The following LPCAT1 variants were observed in gnomAD, a reference collection of about 807,000 sequenced individuals.
The protein encoded by LPCAT1 is 1-acylglycerol-3-phosphate O-acyltransferase.
LPCAT1 carries 23 observed loss-of-function variants against 60.9 expected under a neutral mutation model. The ratio of observed to expected loss-of-function variants is 0.38; its 90% CI spans 0.27 to 0.53. LPCAT1 has a LOEUF of 0.53. Among genes scored for constraint, LPCAT1 ranks in the 20% least tolerant of loss-of-function variants. The probability of loss-of-function intolerance (pLI) is 0.82; values close to 1 mark genes in which losing one functional copy is unlikely to be tolerated. For synonymous variants in LPCAT1, 340 were observed against 301.1 expected (o/e 1.13, Z -1.34); for missense variants, 622 against 723.6 (o/e 0.86, Z 1.61).
At position 1,463,657 on chromosome 5, in the gene LPCAT1, C is replaced by G; in HGVS notation, c.1599G>C (p.Leu533=). 2 of 1,614,132 alleles carry G rather than the reference C, an allele frequency of 1.2e-6. No individual in the cohort carries two copies. The highest frequency in any genetic ancestry group is 1.7e-6 in the Non-Finnish European group (2 of 1,180,028). The change falls in exon 14 of 14, where the codon CTG becomes CTC. Residue 533 remains leucine, a synonymous_variant. Transcript: ENST00000283415. The part of the protein sequence containing the change: ...DAGRKPVRKK[L]D ...CTCTCCGCAACCCTGGGTCCTAATC[C>G]AGCTTCTTGCGAACAGGCTTCCGCC...
rs1560975380 is a variant in LPCAT1, at chr5:1,492,045, AGGGAGATGTCTCTGAGCTGGGACCAT to A, written c.494-2213_494-2188del. Among the ~76,000 whole-genome samples the A allele has an allele frequency of 2.8e-5, 4 of 141,838 alleles. No homozygotes were observed. The South Asian group carries it at 7.1e-4, about 25-fold the overall frequency. 93.1% of individuals were successfully genotyped at this position (141,838 alleles called of 152,430 possible). The stretch of plus-strand genomic sequence containing the variant: ...GGGAGATGTCTCTGAGCTGGAAACC[AGGGAGATGTCTCTGAGCTGGGACCAT>A]GGGAGATGTCTCTGAGCTGGAAACC... On this transcript the variant is annotated intron_variant, in intron 3 of 13. Transcript: ENST00000283415.
At position 1,523,960 on chromosome 5, in the gene LPCAT1, G is replaced by T; in HGVS notation, c.-116C>A. 1 of 752,802 alleles carries T rather than the reference G, an allele frequency of 1.3e-6. No homozygotes were observed. The highest frequency in any genetic ancestry group is 1.6e-6 in the Non-Finnish European group (1 of 617,052). 46.6% of individuals were successfully genotyped at this position (752,802 alleles called of 1,614,324 possible). On this transcript the variant is annotated 5_prime_UTR_variant, in exon 1 of 14. Transcript: ENST00000283415. This position sits in a 1 kb window ranked among gnomAD's most constrained non-coding sequence, Gnocchi z 7.1. ...CGAGGATGCGCGGCGGCTGGAGCGG[G>T]CCGGGCGCGCAGGCGCGGGAGGTGA...
Position 1,515,929 on chromosome 5 carries a change from G to A in LPCAT1, c.135+7781C>T, listed in dbSNP as rs573405683. 9.4e-4 allele frequency among the ~76,000 whole-genome samples: 143 copies of A among 152,366 alleles called. 1 individual carries two copies. The highest frequency in any genetic ancestry group is 3.3e-3 in the African/African-American group (138 of 41,594). ...GCTGCAGGGAGCCCCTGGACCACCAGTAACGTCTGTGAGGCAAGGCTGACC... is the reference window on the plus strand; with the variant it reads ...GCTGCAGGGAGCCCCTGGACCACCAATAACGTCTGTGAGGCAAGGCTGACC... On this transcript the variant is annotated intron_variant, in intron 1 of 13. Coordinates refer to ENST00000283415, the MANE Select transcript of LPCAT1 (RefSeq NM_024830.5).
chr5:1,514,726 G>A (rs1419410587), intron 1 of LPCAT1, among the ~76,000 whole-genome samples: 1 of 152,140 alleles, frequency 6.6e-6, no homozygotes, highest in South Asian at 2.1e-4. Flanking sequence ...GTGATACATC[G>A]TGGGGGGCTC....
At chr5:1,507,594 G>A (rs1007160449) in intron 1 of LPCAT1, among the ~76,000 whole-genome samples, 4 of 152,196 alleles carry the variant, frequency 2.6e-5, no homozygotes, top group African/African-American at 7.2e-5. Flanking sequence ...ACAGCACGGC[G>A]CAGCCCACAT....
At position 1,483,302 on chromosome 5, in the gene LPCAT1, C is replaced by A; in HGVS notation, c.726+126G>T. ...TGAGGCCGGATGGACTCAGCATGGCCAAGTGTGGGCTGTGGCGCAGATAAA... is the reference window on the plus strand; with the variant it reads ...TGAGGCCGGATGGACTCAGCATGGCAAAGTGTGGGCTGTGGCGCAGATAAA... On this transcript the variant is annotated intron_variant, in intron 6 of 13. Transcript: ENST00000283415. The surrounding 1 kb of genome is among the most constrained non-coding windows in gnomAD (Gnocchi z 9.2). 9.3e-7 allele frequency: 1 copy of A among 1,079,910 alleles called. No homozygotes were observed. The highest frequency in any genetic ancestry group is 1.3e-5 in the South Asian group (1 of 78,496). 66.9% of individuals were successfully genotyped at this position (1,079,910 alleles called of 1,614,324 possible). A position where few individuals can be genotyped will look rare whatever the true frequency, so the allele number is the denominator to read the frequency against.
chr5:1,470,356 CCAGGAGTCTGCAG>C lies in LPCAT1; in HGVS notation c.1278+457_1278+469del, dbSNP rs1019695702. ...TGGTGAGGCAAGTCCTGAGGGCTTC[CCAGGAGTCTGCAG>C]CTGGGCTGGGACCCCAGACTCCCCC... On this transcript the variant is annotated intron_variant, in intron 12 of 13. Transcript: ENST00000283415. Among the ~76,000 whole-genome samples, 17 of 152,372 alleles carry C rather than the reference CCAGGAGTCTGCAG, an allele frequency of 1.1e-4. No homozygotes were observed. In the East Asian group the frequency reaches 2.5e-3, roughly 22 times the overall value.
At chr5:1,468,568 C>T (rs1239230412) in intron 12 of LPCAT1, among the ~76,000 whole-genome samples, 2 of 151,980 alleles carry the variant, frequency 1.3e-5, no homozygotes, top group East Asian at 1.9e-4. Context: ...GCACGGGAAA[C>T]GCAGAGGTAG....
In LPCAT1 at chr5:1,501,409, T is replaced by C. The variant is rs28412322; in HGVS notation, c.278+52A>G. 13,810 of 1,556,324 alleles carry C rather than the reference T, an allele frequency of 8.9e-3. 869 individuals are homozygous for C. In the African/African-American group the frequency reaches 0.15, roughly 17 times the overall value. ...CACTGTGAGAATGGGTTCCCACTGT[T>C]TGGCCGCGTGACCCCCCCCCAGGAG... is the stretch of plus-strand genomic sequence containing the variant. On this transcript the variant is annotated intron_variant, in intron 2 of 13. Transcript: ENST00000283415.
chr5:1,523,801 C>A lies in LPCAT1; in HGVS notation c.44G>T (p.Ser15Ile). ...CAGCCGAGCGTCGCTGGCCCCTGCG[C>A]TGGAGGCAGGGGCGGCCCGGGGTCC... Reference protein sequence around the residue: ...GCGPRAAPASSAGASDARLLA... With the variant: ...GCGPRAAPASIAGASDARLLA... Residue 15 changes from serine (S) to isoleucine (I), a missense_variant, in exon 1 of 14, where the codon AGC becomes ATC. Coordinates refer to ENST00000283415, the MANE Select transcript of LPCAT1 (RefSeq NM_024830.5). This position sits in a 1 kb window ranked among gnomAD's most constrained non-coding sequence, Gnocchi z 7.1. 1 of 1,106,598 alleles carries A rather than the reference C, an allele frequency of 9.0e-7. No homozygotes were observed. Among genetic ancestry groups the A allele is most frequent in the Non-Finnish European group, 1.1e-6 (1 of 908,104 alleles). The allele number at this position is 1,106,598 out of a possible 1,614,324, so 68.5% of individuals were successfully genotyped here.
In LPCAT1 at chr5:1,495,999, T is replaced by C. The variant is rs1379039975; in HGVS notation, c.279-1085A>G. Among the ~76,000 whole-genome samples the C allele has an allele frequency of 2.0e-5, 3 of 152,204 alleles. No homozygotes were observed. In the East Asian group the frequency reaches 5.8e-4, roughly 29 times the overall value. On this transcript the variant is annotated intron_variant, in intron 2 of 13. Coordinates refer to ENST00000283415, the MANE Select transcript of LPCAT1 (RefSeq NM_024830.5). The surrounding 1 kb of genome is among the most constrained non-coding windows in gnomAD (Gnocchi z 4.7). ...GCTGGGGACCAACCCAGGGTGCTGCTTGTCTAGAGGAGGGGGGATTACACA... is the reference window on the plus strand; with the variant it reads ...GCTGGGGACCAACCCAGGGTGCTGCCTGTCTAGAGGAGGGGGGATTACACA...
At chr5:1,478,550 C>T (rs912281114) in intron 8 of LPCAT1, among the ~76,000 whole-genome samples, 3 of 152,212 alleles carry the variant, frequency 2.0e-5, no homozygotes, top group African/African-American at 7.2e-5. Context: ...GGCCTGCACC[C>T]TCCCGGCCAC....
At chr5:1,486,957 G>T (rs920335339) in intron 5 of LPCAT1, among the ~76,000 whole-genome samples, 1 of 152,168 alleles carries the variant, frequency 6.6e-6, no homozygotes, top group Admixed American at 6.5e-5. Context: ...ACTGGGCACC[G>T]CCATGAGTCC....
intron 1 of LPCAT1, among the ~76,000 whole-genome samples, chr5:1,518,592 G>A (rs895997752): frequency 1.3e-5 from 2 of 152,160 alleles, no homozygotes; most frequent in Non-Finnish European, 2.9e-5. Context: ...CGCCCGCCTC[G>A]GCCTCCCAAA....
intron 3 of LPCAT1, among the ~76,000 whole-genome samples, chr5:1,490,407 G>A (rs1310511103): frequency 6.6e-6 from 1 of 152,244 alleles, no homozygotes; most frequent in Non-Finnish European, 1.5e-5. Context: ...AATCCCAGAT[G>A]AGGGTCCCTA....
intron 8 of LPCAT1, among the ~76,000 whole-genome samples, chr5:1,478,193 TACAC>T (rs1230166265): frequency 6.6e-6 from 1 of 152,270 alleles, no homozygotes; most frequent in African/African-American, 2.4e-5. Flanking sequence ...GAGTGACACT[TACAC>T]AGCATTTTAA....
chr5:1,477,524 G>A lies in LPCAT1; in HGVS notation c.817-38C>T, dbSNP rs115605481. The A allele has an allele frequency of 1.2e-4, 181 of 1,476,750 alleles. No homozygotes were observed. In the African/African-American group the frequency reaches 2.2e-3, roughly 18 times the overall value. The allele number at this position is 1,476,750 out of a possible 1,614,324, so 91.5% of individuals were successfully genotyped here. A position where few individuals can be genotyped will look rare whatever the true frequency, so the allele number is the denominator to read the frequency against. On this transcript the variant is annotated intron_variant, in intron 8 of 13. Coordinates refer to ENST00000283415, the MANE Select transcript of LPCAT1 (RefSeq NM_024830.5). This position sits in a 1 kb window ranked among gnomAD's most constrained non-coding sequence, Gnocchi z 6.0. ...AGAAGCTGCGTTAGTATCACAAGAC[G>A]CTGACCTCAGCAACACCACTGTAAC...
rs1363791776 is a variant in LPCAT1, at chr5:1,480,462, G to T, written c.761+480C>A. On this transcript the variant is annotated intron_variant, in intron 7 of 13. Transcript: ENST00000283415. This position sits in a 1 kb window ranked among gnomAD's most constrained non-coding sequence, Gnocchi z 6.4. ...GCCTGTGGCCCCGGGCTTCTCCTCTGGGGCTCGTTCCCGTTTCCGTGGGGT... is the reference window on the plus strand; with the variant it reads ...GCCTGTGGCCCCGGGCTTCTCCTCTTGGGCTCGTTCCCGTTTCCGTGGGGT... 1.4e-6 allele frequency: 1 copy of T among 732,496 alleles called. No homozygotes were observed. The highest frequency in any genetic ancestry group is 1.3e-4 in the East Asian group (1 of 7,670). 45.4% of individuals were successfully genotyped at this position (732,496 alleles called of 1,614,324 possible).
intron 8 of LPCAT1, chr5:1,479,335 G>C (rs1189933562): frequency 2.3e-6 from 1 of 438,864 alleles, no homozygotes; most frequent in Admixed American, 3.8e-5. Context: ...TGAGCCCATC[G>C]CTACACTCCA....
Sources: allele counts gnomAD v4.1 joint callset (sites outside exome capture counted in the v4.1 genomes callset), GRCh38; gene constraint gnomAD v4.1.1; non-coding constraint Gnocchi (gnomAD v3.1); transcripts MANE v1.5; gene names NCBI Gene and HGNC (gene_info 2026-07-23, HGNC 2026-07-21).